Variants in DOCK1 observed in about 807,000 individuals in gnomAD.
DOCK1 encodes dedicator of cytokinesis protein 1.
In DOCK1, 138 loss-of-function variants were observed where a neutral mutation model predicts 262.7. The ratio of observed to expected loss-of-function variants is 0.53; its 90% CI spans 0.46 to 0.61. The LOEUF (loss-of-function observed/expected upper bound fraction) is 0.61. Among genes scored for constraint, DOCK1 ranks in the 20% least tolerant of loss-of-function variants. The pLI is 0.00. For missense variants in DOCK1, 1,908 were observed against 2,370.7 expected (o/e 0.80, Z 4.05); for synonymous variants, 866 against 867.4 (o/e 1.00, Z 0.03).
At position 127,190,664 on chromosome 10, in the gene DOCK1, T is replaced by TCCCCCCCCCCCC. The variant is rs1491352928; in HGVS notation, c.2848-57344_2848-57343insCCCCCCCCCCCC. Among the ~76,000 whole-genome samples the TCCCCCCCCCCCC allele has an allele frequency of 1.3e-4, 2 of 15,230 alleles. 1 individual carries two copies. The highest frequency in any genetic ancestry group is 2.3e-4 in the Non-Finnish European group (2 of 8,850). The allele number at this position is 15,230 out of a possible 152,430, so 10.0% of individuals were successfully genotyped here. On this transcript the variant is annotated intron_variant, in intron 27 of 51. Coordinates refer to ENST00000623213, the MANE Select transcript of DOCK1 (RefSeq NM_001290223.2). ...TCAAATATTTAATAGAAATCCTATC[T>TCCCCCCCCCCCC]TCCCCCCCCCCCCCCCCCCGTTCCT...
chr10:126,937,154 A>G (rs1187204995), intron 1 of DOCK1, among the ~76,000 whole-genome samples: 5 of 152,300 alleles, frequency 3.3e-5, no homozygotes, highest in East Asian at 1.9e-4. Context: ...GTATTTTAGC[A>G]TATGTCGTAA....
intron 13 of DOCK1, among the ~76,000 whole-genome samples, chr10:127,019,727 C>T (rs535411255): frequency 6.0e-4 from 92 of 152,234 alleles, no homozygotes; most frequent in Middle Eastern, 3.4e-3. Context: ...CTAGCCTGGG[C>T]GACAGATTGA....
chr10:127,346,740 C>A (rs1196906779), intron 31 of DOCK1, among the ~76,000 whole-genome samples: 8 of 152,252 alleles, frequency 5.3e-5, no homozygotes. Context: ...GTGTCGCCCC[C>A]TCAGGAGCCA....
intron 27 of DOCK1, among the ~76,000 whole-genome samples, chr10:127,223,823 T>G (rs1021750722): frequency 6.6e-6 from 1 of 152,192 alleles, no homozygotes; most frequent in African/African-American, 2.4e-5. Context: ...AGCTGATCAC[T>G]GTCTCCTTGT....
intron 29 of DOCK1, among the ~76,000 whole-genome samples, chr10:127,330,116 A>G (rs987161886): frequency 3.3e-5 from 5 of 152,172 alleles, no homozygotes. Context: ...GGTCTTTTCA[A>G]TCAACACATT....
intron 32 of DOCK1, among the ~76,000 whole-genome samples, chr10:127,361,248 G>A (rs1450014571): frequency 5.9e-5 from 9 of 151,538 alleles, no homozygotes; most frequent in Admixed American, 1.3e-4. Flanking sequence ...CAGGTAGCTG[G>A]GACTACAGGC....
At chr10:127,188,414 G>C (rs187658169) in intron 27 of DOCK1, among the ~76,000 whole-genome samples, 3 of 152,156 alleles carry the variant, frequency 2.0e-5, no homozygotes, top group African/African-American at 7.2e-5. Flanking sequence ...GGTTGGAGAC[G>C]CAAAACATTT....
chr10:127,198,040 CTTG>C (rs1356624129), intron 27 of DOCK1, among the ~76,000 whole-genome samples: 1 of 152,180 alleles, frequency 6.6e-6, no homozygotes. Context: ...CCTCACTCTT[CTTG>C]TTGTTCTTCT....
At chr10:127,430,623 C>T (rs558669624) in intron 47 of DOCK1, among the ~76,000 whole-genome samples, 14 of 151,816 alleles carry the variant, frequency 9.2e-5, no homozygotes, top group Admixed American at 7.9e-4. Context: ...CCTCCTCCCC[C>T]ACCTGCTCTC....
At chr10:127,179,923 A>T (rs2055565058) in intron 27 of DOCK1, among the ~76,000 whole-genome samples, 1 of 152,172 alleles carries the variant, frequency 6.6e-6, no homozygotes, top group Admixed American at 6.5e-5. Flanking sequence ...TCCTCATCAT[A>T]TCCTTACAAG....
intron 27 of DOCK1, among the ~76,000 whole-genome samples, chr10:127,179,387 A>G (rs1371444906): frequency 6.6e-6 from 1 of 152,222 alleles, no homozygotes; most frequent in Admixed American, 6.5e-5. Flanking sequence ...AATGATGGTA[A>G]TACTTAGGAT....
At chr10:127,414,880 C>T (rs192471992) in intron 43 of DOCK1, among the ~76,000 whole-genome samples, 1 of 152,190 alleles carries the variant, frequency 6.6e-6, no homozygotes, top group Non-Finnish European at 1.5e-5. Context: ...TCTCACTCAC[C>T]TAGTATACTT....
chr10:127,110,748 T>C (rs1472137953), intron 25 of DOCK1, among the ~76,000 whole-genome samples: 1 of 152,250 alleles, frequency 6.6e-6, no homozygotes, highest in Admixed American at 6.5e-5. Flanking sequence ...TTCTGAACTT[T>C]GCATTCTTTG....
At chr10:127,374,360 C>A in intron 35 of DOCK1, 146 bp downstream of exon 35, 3 of 1,140,254 alleles carry the variant, frequency 2.6e-6, no homozygotes, top group Non-Finnish European at 3.6e-6. Context: ...TCATCTGCTG[C>A]AGGGAAGGAA....
In DOCK1 at chr10:127,437,861, G is replaced by A. The variant is rs1387059435; in HGVS notation, c.5061-1166G>A. Among the ~76,000 whole-genome samples the A allele has an allele frequency of 6.6e-6, 1 of 152,190 alleles. No homozygotes were observed. Among genetic ancestry groups the A allele is most frequent in the African/African-American group, 2.4e-5 (1 of 41,440 alleles). On this transcript the variant is annotated intron_variant, in intron 48 of 51. Coordinates refer to ENST00000623213, the MANE Select transcript of DOCK1 (RefSeq NM_001290223.2). The surrounding 1 kb of genome is among the most constrained non-coding windows in gnomAD (Gnocchi z 4.4). ...TACATGTAAAAGAAACTAGAGCTAG[G>A]ATGAAAATATGACTGGCTGGCTAAA...
In DOCK1 at chr10:127,182,398, G is replaced by A. The variant is rs141939776; in HGVS notation, c.2847+54634G>A. ...CTTCGGGGAGTGAGAACAAAGGAGGGCAAGCATGCATGCTTGGGGCTTGGT... is the reference window on the plus strand; with the variant it reads ...CTTCGGGGAGTGAGAACAAAGGAGGACAAGCATGCATGCTTGGGGCTTGGT... On this transcript the variant is annotated intron_variant, in intron 27 of 51. Coordinates refer to ENST00000623213, the MANE Select transcript of DOCK1 (RefSeq NM_001290223.2). Among the ~76,000 whole-genome samples the A allele has an allele frequency of 2.1e-3, 325 of 152,252 alleles. 3 individuals carry two copies. Among genetic ancestry groups the A allele is most frequent in the African/African-American group, 7.5e-3 (312 of 41,528 alleles).
chr10:126,906,987 G>T (rs2030983149), intron 1 of DOCK1, among the ~76,000 whole-genome samples: 1 of 152,194 alleles, frequency 6.6e-6, no homozygotes, highest in African/African-American at 2.4e-5. Flanking sequence ...TTTTGCAGAT[G>T]AGGAAACTGA....
chr10:127,434,928 A>G (rs1315751751), intron 48 of DOCK1, among the ~76,000 whole-genome samples: 1 of 152,174 alleles, frequency 6.6e-6, no homozygotes, highest in Non-Finnish European at 1.5e-5. Context: ...CTGGGATTAC[A>G]GGTGTGAGCC....
chr10:127,020,880 G>T (rs963082652), intron 13 of DOCK1, among the ~76,000 whole-genome samples: 1 of 152,190 alleles, frequency 6.6e-6, no homozygotes, highest in African/African-American at 2.4e-5. Flanking sequence ...TCTTTGGACA[G>T]CGCAGAGCCT....
Sources: gnomAD v4.1 joint callset for allele counts (sites outside exome capture counted in the v4.1 genomes callset) on GRCh38, gnomAD v4.1.1 for gene constraint, Gnocchi (gnomAD v3.1) non-coding constraint, MANE v1.5 for transcripts, NCBI Gene and HGNC (gene_info 2026-07-23, HGNC 2026-07-21) for gene names.